HPD: variants seen among roughly 807,000 people sequenced by gnomAD.
HPD encodes 4-hydroxyphenylpyruvate dioxygenase.
Under a neutral mutation model 56.9 loss-of-function variants are expected in HPD, and 35 were observed. The ratio of observed to expected loss-of-function variants is 0.62; its 90% CI spans 0.47 to 0.82. The LOEUF is 0.82. Ranked by LOEUF, HPD falls within the 40% of genes least tolerant of loss-of-function variation. The pLI is 0.00. For synonymous variants in HPD, 186 were observed against 200.2 expected, an observed-to-expected ratio of 0.93 and a Z score of 0.60; for missense variants, 442 against 506.8, an observed-to-expected ratio of 0.87 and a Z score of 1.23.
rs913268562 is a variant in HPD at position 121,848,780 on chromosome 12, A to G, written c.596+219T>C. ...AACACCTCGCCCACTGAGTTTTTAT[A>G]TTTTTAGTAGAGACGGGGTTTCTCC... On this transcript the variant is annotated intron_variant, in intron 9 of 13. Transcript: ENST00000289004. 2.0e-5 allele frequency among the ~76,000 whole-genome samples: 3 copies of G among 151,630 alleles called. No individual in the cohort carries two copies. In the South Asian group the frequency reaches 6.2e-4, roughly 32 times the overall value.
upstream of HPD, among the ~76,000 whole-genome samples, chr12:121,866,079 C>T (rs1174317940): frequency 2.0e-5 from 3 of 152,150 alleles, no homozygotes; most frequent in South Asian, 2.1e-4. Context: ...GGTTGGATCA[C>T]GAGGTCGGGA....
the HPD span, among the ~76,000 whole-genome samples, chr12:121,885,492 G>A: frequency 6.6e-6 from 1 of 151,652 alleles, no homozygotes; most frequent in Non-Finnish European, 1.5e-5. Context: ...GAGCCACCAC[G>A]CCCGGCCTAT....
the HPD span, among the ~76,000 whole-genome samples, chr12:121,882,982 C>T: frequency 1.3e-5 from 2 of 152,120 alleles, no homozygotes; most frequent in Non-Finnish European, 2.9e-5. Flanking sequence ...CCCGCCTCGG[C>T]CTCCCAAAGT....
Position 121,854,775 on chromosome 12 carries a change from G to T in HPD, c.342C>A (p.Gly114=). Residue 114 remains glycine, a synonymous_variant, in exon 7 of 14, where the codon GGC becomes GGA. Transcript: ENST00000289004. ...CCCAGGGCTCCCGCATGATTTTGGCGCCCCGTTCCCGTGCTTTCTGCAGAG... is the reference window on the plus strand; with the variant it reads ...CCCAGGGCTCCCGCATGATTTTGGCTCCCCGTTCCCGTGCTTTCTGCAGAG... ...DYIVQKARER[G]AKIMREPWVE... is the part of the protein sequence containing the mutation. 2.5e-6 allele frequency: 4 copies of T among 1,613,900 alleles called. No individual in the cohort carries two copies. The highest frequency in any genetic ancestry group is 3.4e-6 in the Non-Finnish European group (4 of 1,179,834).
chr12:121,886,329 C>T, the HPD span, among the ~76,000 whole-genome samples: 5 of 150,582 alleles, frequency 3.3e-5, no homozygotes, highest in African/African-American at 7.3e-5. Flanking sequence ...AGGATGGTCT[C>T]GATCTCCTAA....
intron 12 of HPD, among the ~76,000 whole-genome samples, chr12:121,842,213 T>A (rs934848232): frequency 6.6e-6 from 1 of 151,948 alleles, no homozygotes; most frequent in Admixed American, 6.6e-5. Context: ...AGCTTTGACC[T>A]CCTGGCCTCA....
At chr12:121,884,171 C>CT in the HPD span, among the ~76,000 whole-genome samples, 161 of 124,146 alleles carry the variant, frequency 1.3e-3, 3 homozygotes, top group South Asian at 3.1e-3. Flanking sequence ...CTTTTCCTCT[C>CT]TTTTTTTTTT....
At chr12:121,862,557 A>C (rs1878203981), upstream of HPD, among the ~76,000 whole-genome samples, 1 of 133,408 alleles carries the variant, frequency 7.5e-6, no homozygotes, top group Non-Finnish European at 1.5e-5. Flanking sequence ...TCGGCCTCCC[A>C]AAGTGCTGGG....
chr12:121,878,777 G>A, the HPD span, among the ~76,000 whole-genome samples: 2 of 150,666 alleles, frequency 1.3e-5, no homozygotes, highest in Non-Finnish European at 3.0e-5. Context: ...GGGCTCAAGT[G>A]ATCCTCCCAC....
At chr12:121,865,175 G>A (rs142522126), upstream of HPD, among the ~76,000 whole-genome samples, 1,386 of 152,140 alleles carry the variant, frequency 9.1e-3, 22 homozygotes, top group African/African-American at 0.031. Flanking sequence ...GGGTGAGGCA[G>A]GAGAATCGCT....
chr12:121,840,031 C>A lies in HPD; in HGVS notation c.972G>T (p.Val324=). Reference sequence around the variant, plus strand: ...GGAGGTAGCCTTTCTCGTCGTAGTCCACCAGGATTTTCAGCTCCTAGGCGG... The same window carrying A: ...GGAGGTAGCCTTTCTCGTCGTAGTCAACCAGGATTTTCAGCTCCTAGGCGG... ...IDALEELKIL[V]DYDEKGYLLQ... The change falls in exon 13 of 14, where the codon GTG becomes GTT. Residue 324 remains valine (V), a synonymous_variant. Coordinates refer to ENST00000289004, the MANE Select transcript of HPD (RefSeq NM_002150.3). 1 of 1,613,404 alleles carries A rather than the reference C, an allele frequency of 6.2e-7. No individual in the cohort carries two copies. The highest frequency in any genetic ancestry group is 8.5e-7 in the Non-Finnish European group (1 of 1,179,472).
intron 6 of HPD, among the ~76,000 whole-genome samples, chr12:121,855,964 C>T (rs1877977839): frequency 1.0e-5 from 1 of 95,372 alleles, no homozygotes; most frequent in Non-Finnish European, 2.0e-5. Flanking sequence ...GAGCAAAACT[C>T]CGTCTCACAA....
chr12:121,867,512 C>G (rs557636697), upstream of HPD, among the ~76,000 whole-genome samples: 137 of 151,870 alleles, frequency 9.0e-4, no homozygotes, highest in African/African-American at 2.8e-3. Context: ...ACCAACATGA[C>G]TGGCTAAATT....
Position 121,854,809 on chromosome 12 carries a change from A to C in HPD, c.325-17T>G. On this transcript the variant is annotated splice_polypyrimidine_tract_variant and intron_variant, in intron 6 of 13. Coordinates refer to ENST00000289004, the MANE Select transcript of HPD (RefSeq NM_002150.3). ...CCGTGCTTTCTGCAGAGAAGATGGGATCGGGGAATTGGTGAGGGCTGGAGC... is the reference window on the plus strand; with the variant it reads ...CCGTGCTTTCTGCAGAGAAGATGGGCTCGGGGAATTGGTGAGGGCTGGAGC... 1 of 1,601,590 alleles carries C rather than the reference A, an allele frequency of 6.2e-7. No individual in the cohort carries two copies. Among genetic ancestry groups the C allele is most frequent in the Non-Finnish European group, 8.6e-7 (1 of 1,168,768 alleles).
rs751968298 is a variant in HPD, at chr12:121,857,834, A to C, written c.31-15T>G. Reference sequence around the variant, plus strand: ...CCTCTCTCAGGCTGCAGAAGGAGAGAAGAGGTGAGGTTGAGTCCCTGAAAG... The same window carrying C: ...CCTCTCTCAGGCTGCAGAAGGAGAGCAGAGGTGAGGTTGAGTCCCTGAAAG... On this transcript the variant is annotated splice_polypyrimidine_tract_variant and intron_variant, in intron 2 of 13. Coordinates refer to ENST00000289004, the MANE Select transcript of HPD (RefSeq NM_002150.3). 1.9e-6 allele frequency: 3 copies of C among 1,611,122 alleles called. No homozygotes were observed. In the South Asian group the frequency reaches 3.3e-5, roughly 18 times the overall value.
chr12:121,845,202 C>T (rs1877538478), intron 11 of HPD, among the ~76,000 whole-genome samples: 1 of 149,806 alleles, frequency 6.7e-6, no homozygotes, highest in Non-Finnish European at 1.5e-5. Flanking sequence ...CAGCCTCAAC[C>T]TCCCCAGGCT....
In HPD at chr12:121,839,853, AGAG is replaced by A. The variant is rs1448885302; in HGVS notation, c.1072-18_1072-16del. The A allele has an allele frequency of 2.7e-5, 44 of 1,612,814 alleles. No individual in the cohort carries two copies. The highest frequency in any genetic ancestry group is 8.3e-5 in the Admixed American group (5 of 60,034). On this transcript the variant is annotated splice_polypyrimidine_tract_variant and intron_variant, in intron 13 of 13. Coordinates refer to ENST00000289004, the MANE Select transcript of HPD (RefSeq NM_002150.3). Reference sequence around the variant, plus strand: ...GCTCCAAAACCCTGTGGCGGGAAAGAGAGGAGATGAGCCAAGGACCCAGAAAAC... The same window carrying A: ...GCTCCAAAACCCTGTGGCGGGAAAGAGAGATGAGCCAAGGACCCAGAAAAC...
chr12:121,840,323 C>G (rs1307573463), intron 12 of HPD, among the ~76,000 whole-genome samples: 1 of 152,084 alleles, frequency 6.6e-6, no homozygotes, highest in Non-Finnish European at 1.5e-5. Context: ...TTTTTTGAGA[C>G]GGAGCCTTGC....
chr12:121,854,744 G>T lies in HPD; in HGVS notation c.373C>A (p.Gln125Lys), dbSNP rs1483340811. The T allele has an allele frequency of 6.2e-7, 1 of 1,614,130 alleles. No homozygotes were observed. Among genetic ancestry groups the T allele is most frequent in the Admixed American group, 1.7e-5 (1 of 60,012 alleles). The stretch of plus-strand genomic sequence containing the variant: ...AACTTCACCTTCCCAAACTTGTCTT[G>T]CTCTACCCAGGGCTCCCGCATGATT... ...AKIMREPWVE[Q>K]DKFGKVKFAV... is the part of the protein sequence containing the mutation. The change falls in exon 7 of 14, where the codon CAA becomes AAA. Residue 125 changes from glutamine (Q) to lysine (K), a missense_variant. By Grantham distance (53) the Gln-to-Lys change is moderately conservative. Transcript: ENST00000289004.
Sources: gnomAD v4.1 joint callset for allele counts (sites outside exome capture counted in the v4.1 genomes callset) on GRCh38, gnomAD v4.1.1 for gene constraint, MANE v1.5 for transcripts, NCBI Gene and HGNC (gene_info 2026-07-23, HGNC 2026-07-21) for gene names.